EBF1: variants seen among roughly 807,000 people sequenced by gnomAD.
EBF1 encodes the protein transcription factor COE1.
A neutral mutation model predicts 68.4 loss-of-function variants in EBF1; 10 were observed. The ratio of observed to expected loss-of-function variants is 0.15; its 90% confidence interval spans 0.09 to 0.25. EBF1 has a LOEUF of 0.25. Ranked by LOEUF, EBF1 falls within the 10% of genes least tolerant of loss-of-function variation. The pLI is 1.00. For synonymous variants in EBF1, 298 were observed against 299.8 expected, an observed-to-expected ratio of 0.99 and a Z score of 0.06; for missense variants, 509 against 794.4, an observed-to-expected ratio of 0.64 and a Z score of 4.32.
intron 9 of EBF1, among the ~76,000 whole-genome samples, chr5:158,786,761 G>T (rs1484305928): frequency 6.6e-6 from 1 of 152,174 alleles, no homozygotes; most frequent in African/African-American, 2.4e-5. Context: ...ATGCATTTAT[G>T]GAAGGGGATG....
chr5:159,047,377 T>C (rs1053633076), intron 6 of EBF1, among the ~76,000 whole-genome samples: 4 of 152,122 alleles, frequency 2.6e-5, no homozygotes, highest in Non-Finnish European at 4.4e-5. Flanking sequence ...AAAGCTTACT[T>C]TGGCTCCTAT....
chr5:159,033,011 C>G (rs1041562433), intron 6 of EBF1, among the ~76,000 whole-genome samples: 2 of 152,172 alleles, frequency 1.3e-5, no homozygotes, highest in African/African-American at 4.8e-5. Flanking sequence ...CATCCGCCCC[C>G]ACCCCCAAAC....
At chr5:159,071,574 G>A (rs184714430) in intron 6 of EBF1, among the ~76,000 whole-genome samples, 6 of 152,190 alleles carry the variant, frequency 3.9e-5, no homozygotes, top group East Asian at 1.9e-4. Context: ...AACAGGGGCC[G>A]GGCTAATTAC....
At chr5:158,908,941 T>C (rs1181710387) in intron 6 of EBF1, among the ~76,000 whole-genome samples, 1 of 152,162 alleles carries the variant, frequency 6.6e-6, no homozygotes, top group Non-Finnish European at 1.5e-5. Context: ...TCAATGCCAC[T>C]TTGTTCAGAC....
chr5:159,062,489 G>C (rs563023702), intron 6 of EBF1, among the ~76,000 whole-genome samples: 4 of 152,014 alleles, frequency 2.6e-5, no homozygotes, highest in Non-Finnish European at 4.4e-5. Context: ...ATTGGGGAGG[G>C]GGAGGGAGGG....
chr5:158,979,521 T>C (rs923343674), intron 6 of EBF1, among the ~76,000 whole-genome samples: 1 of 152,140 alleles, frequency 6.6e-6, no homozygotes, highest in African/African-American at 2.4e-5. Flanking sequence ...GTATTGATTT[T>C]TCCCGGCACT....
At chr5:158,930,655 C>A (rs1168613391) in intron 6 of EBF1, among the ~76,000 whole-genome samples, 2 of 152,232 alleles carry the variant, frequency 1.3e-5, no homozygotes, top group Non-Finnish European at 2.9e-5. Flanking sequence ...ATTTATCACA[C>A]TGTGAATTTC....
chr5:158,903,169 C>A (rs541680842), intron 6 of EBF1, among the ~76,000 whole-genome samples: 6 of 152,288 alleles, frequency 3.9e-5, no homozygotes, highest in African/African-American at 1.4e-4. Flanking sequence ...AAGCCTGTCG[C>A]ATTGGATTGT....
intron 7 of EBF1, among the ~76,000 whole-genome samples, chr5:158,838,171 C>T (rs778341414): frequency 6.6e-6 from 1 of 151,936 alleles, no homozygotes; most frequent in Non-Finnish European, 1.5e-5. Flanking sequence ...CCTGGCCAGG[C>T]GCAGTGGCTC....
intron 10 of EBF1, among the ~76,000 whole-genome samples, chr5:158,763,039 T>A (rs1220272574): frequency 6.6e-6 from 1 of 152,198 alleles, no homozygotes; most frequent in Non-Finnish European, 1.5e-5. Context: ...ATCTTATCCC[T>A]GATGACCATC....
chr5:158,940,605 C>A (rs1813024921), intron 6 of EBF1, among the ~76,000 whole-genome samples: 2 of 152,174 alleles, frequency 1.3e-5, no homozygotes, highest in South Asian at 4.2e-4. Flanking sequence ...TGCTATTTGG[C>A]TGCTGTAGTT....
intron 10 of EBF1, among the ~76,000 whole-genome samples, chr5:158,739,252 C>A (rs1581477924): frequency 6.6e-6 from 1 of 152,192 alleles, no homozygotes; most frequent in South Asian, 2.1e-4. Context: ...GAACAGACCC[C>A]TTTCTTGCCC....
At chr5:158,796,248 C>T in intron 9 of EBF1, 97 bp downstream of exon 9, 1 of 1,269,392 alleles carries the variant, frequency 7.9e-7, no homozygotes, top group South Asian at 2.8e-5. Context: ...CCCAGAGCGG[C>T]ACCACTAGAG....
intron 11 of EBF1, among the ~76,000 whole-genome samples, chr5:158,718,414 T>C (rs1338334732): frequency 1.3e-5 from 2 of 152,124 alleles, no homozygotes; most frequent in Non-Finnish European, 2.9e-5. Context: ...GCCTTCCCCT[T>C]TTTTTGGAGG....
intron 15 of EBF1, among the ~76,000 whole-genome samples, chr5:158,701,537 T>C (rs1756773522): frequency 6.6e-6 from 1 of 152,086 alleles, no homozygotes; most frequent in African/African-American, 2.4e-5. Flanking sequence ...AACTCCAGCA[T>C]CCCAAGAGCC....
intron 6 of EBF1, among the ~76,000 whole-genome samples, chr5:159,066,085 A>G (rs2127905946): frequency 6.6e-6 from 1 of 152,334 alleles, no homozygotes; most frequent in East Asian, 1.9e-4. Context: ...TTTTGTATTC[A>G]TGTCAATGAT....
intron 6 of EBF1, among the ~76,000 whole-genome samples, chr5:158,941,972 G>C (rs992283293): frequency 6.6e-6 from 1 of 152,176 alleles, no homozygotes; most frequent in Non-Finnish European, 1.5e-5. Context: ...TATGTCTTTA[G>C]TAGTTTTCTG....
At chr5:159,002,119 A>G (rs1762656118) in intron 6 of EBF1, among the ~76,000 whole-genome samples, 1 of 151,638 alleles carries the variant, frequency 6.6e-6, no homozygotes, top group Non-Finnish European at 1.5e-5. Context: ...GCCCAGTAGA[A>G]TAAGGTGAGA....
At chr5:158,932,352 G>A (rs1292057372) in intron 6 of EBF1, among the ~76,000 whole-genome samples, 2 of 152,002 alleles carry the variant, frequency 1.3e-5, no homozygotes, top group Non-Finnish European at 2.9e-5. Flanking sequence ...AATAAAAATA[G>A]CAACAAGGAG....
Sources: gnomAD v4.1 joint callset for allele counts (sites outside exome capture counted in the v4.1 genomes callset) on GRCh38, gnomAD v4.1.1 for gene constraint, MANE v1.5 for transcripts, NCBI Gene and HGNC (gene_info 2026-07-23, HGNC 2026-07-21) for gene names.